MPP7: variants seen among roughly 807,000 people sequenced by gnomAD.
MPP7 encodes the protein MAGUK p55 subfamily member 7.
In MPP7, 60 loss-of-function variants were observed where a neutral mutation model predicts 76.5. That is an observed-to-expected ratio of 0.78 (90% CI 0.64 to 0.97). The LOEUF is 0.97. MPP7 is among the 50% of genes least tolerant of loss of function. MPP7 has a pLI of 0.00. For synonymous variants in MPP7, 237 were observed against 244.5 expected (o/e 0.97, Z 0.29); for missense variants, 641 against 694.0 (o/e 0.92, Z 0.86).
At chr10:28,145,923 C>T (rs1202372068) in intron 5 of MPP7, among the ~76,000 whole-genome samples, 1 of 152,156 alleles carries the variant, frequency 6.6e-6, no homozygotes, top group Non-Finnish European at 1.5e-5. Context: ...AGTTCTCATC[C>T]AGTATAATAT....
chr10:28,053,941 T>C lies in MPP7; in HGVS notation c.*124A>G. ...TAAAAAGATACAAACAAAACCAGCA[T>C]TCAACTTGAACCAAGATTGTACATC... On this transcript the variant is annotated 3_prime_UTR_variant, in exon 17 of 17. Coordinates refer to ENST00000683449, the MANE Select transcript of MPP7 (RefSeq NM_001318170.2). 1 of 753,976 alleles carries C rather than the reference T, an allele frequency of 1.3e-6. No homozygotes were observed. The highest frequency in any genetic ancestry group is 2.2e-6 in the Non-Finnish European group (1 of 446,058). The allele number at this position is 753,976 out of a possible 1,614,324, so 46.7% of individuals were successfully genotyped here.
At position 28,058,604 on chromosome 10, in the gene MPP7, C is replaced by A; in HGVS notation, c.1299-1G>T. 6.6e-7 allele frequency: 1 copy of A among 1,521,626 alleles called. No homozygotes were observed. The allele number at this position is 1,521,626 out of a possible 1,614,324, so 94.3% of individuals were successfully genotyped here. On this transcript the variant is annotated splice_acceptor_variant, in intron 14 of 16. Transcript: ENST00000683449. LOFTEE classifies it high-confidence loss of function. ...TTTATATTCTCCATATTCAATAAAC[C>A]TGTAAAAAATTAAATGCATTGGAAT...
chr10:28,070,106 A>G (rs912079163), intron 12 of MPP7, among the ~76,000 whole-genome samples: 1 of 152,228 alleles, frequency 6.6e-6, no homozygotes, highest in African/African-American at 2.4e-5. Context: ...GATATGTTCT[A>G]GAGTATTTAG....
chr10:28,111,685 G>A (rs1472163251), intron 11 of MPP7, among the ~76,000 whole-genome samples: 3 of 152,120 alleles, frequency 2.0e-5, no homozygotes, highest in Non-Finnish European at 2.9e-5. Context: ...AATGAGTTAT[G>A]CAGAATCATT....
chr10:28,120,196 T>G lies in MPP7; in HGVS notation c.885A>C (p.Glu295Asp), dbSNP rs748926199. Residue 295 changes from glutamate to aspartate, a missense_variant and splice_region_variant, in exon 10 of 17, where the codon GAA becomes GAC. By Grantham distance (45) the Glu-to-Asp change is conservative. Coordinates refer to ENST00000683449, the MANE Select transcript of MPP7 (RefSeq NM_001318170.2). ...ATTATTATGTACCAGCAGCTCACCT[T>G]TCCTGGAAATGCTTTGAGGGGATCA... ...AGLIPSKHFQ[E>D]RRLALRRPEI... The G allele has an allele frequency of 1.9e-6, 3 of 1,612,694 alleles. No individual in the cohort carries two copies. The highest frequency in any genetic ancestry group is 2.2e-5 in the South Asian group (2 of 90,842).
At chr10:28,238,393 G>A (rs1839150577) in intron 2 of MPP7, among the ~76,000 whole-genome samples, 175 bp downstream of exon 2, 1 of 152,176 alleles carries the variant, frequency 6.6e-6, no homozygotes, top group Non-Finnish European at 1.5e-5. Flanking sequence ...ATGAGTCCAT[G>A]TCCTCCAGTA....
intron 1 of MPP7, among the ~76,000 whole-genome samples, chr10:28,275,193 T>A (rs914020319): frequency 6.6e-6 from 1 of 152,166 alleles, no homozygotes; most frequent in African/African-American, 2.4e-5. Flanking sequence ...CTTCACTTAA[T>A]GTGTAGGCAT....
intron 12 of MPP7, among the ~76,000 whole-genome samples, chr10:28,082,876 C>T (rs1391709480): frequency 1.3e-5 from 2 of 152,146 alleles, no homozygotes; most frequent in East Asian, 3.9e-4. Context: ...AGACCACAGG[C>T]ATGCACCACT....
At chr10:28,148,242 C>T (rs964759425) in intron 4 of MPP7, among the ~76,000 whole-genome samples, 9 of 152,100 alleles carry the variant, frequency 5.9e-5, no homozygotes, top group Non-Finnish European at 1.3e-4. Context: ...TTGGGTTCTA[C>T]ATAAAGAAGG....
At chr10:28,100,321 G>A (rs1379011253) in intron 11 of MPP7, among the ~76,000 whole-genome samples, 1 of 152,018 alleles carries the variant, frequency 6.6e-6, no homozygotes, top group African/African-American at 2.4e-5. Context: ...TCTAAATGAT[G>A]CTCTCATTAT....
intron 12 of MPP7, among the ~76,000 whole-genome samples, chr10:28,070,055 C>T (rs898711173): frequency 6.6e-6 from 1 of 152,092 alleles, no homozygotes; most frequent in South Asian, 2.1e-4. Context: ...GAAATCCTCA[C>T]CTTTTCCTCA....
At chr10:28,286,966 C>T (rs1463860348) in intron 1 of MPP7, among the ~76,000 whole-genome samples, 4 of 152,238 alleles carry the variant, frequency 2.6e-5, no homozygotes, top group African/African-American at 9.6e-5. Context: ...GTGCGGCATA[C>T]TGAAGTATGG....
intron 12 of MPP7, among the ~76,000 whole-genome samples, chr10:28,081,624 AAATAT>A (rs1249790688): frequency 6.6e-6 from 1 of 152,228 alleles, no homozygotes; most frequent in African/African-American, 2.4e-5. Flanking sequence ...CTTGATCATT[AAATAT>A]AAGAATAAAA....
intron 1 of MPP7, among the ~76,000 whole-genome samples, chr10:28,267,664 C>A (rs1238241319): frequency 6.6e-6 from 1 of 152,112 alleles, no homozygotes; most frequent in African/African-American, 2.4e-5. Context: ...CTTCTGGTCC[C>A]AAGCATGTCA....
chr10:28,316,266 A>G (rs1356560754), intron 2 of MPP7, among the ~76,000 whole-genome samples: 1 of 151,790 alleles, frequency 6.6e-6, no homozygotes, highest in Non-Finnish European at 1.5e-5. Flanking sequence ...GTGAAACCCC[A>G]TATCTACTAA....
chr10:28,316,172 C>T (rs545976788), intron 2 of MPP7, among the ~76,000 whole-genome samples: 1 of 152,152 alleles, frequency 6.6e-6, no homozygotes. Flanking sequence ...CATGGTGGCT[C>T]ACGCCTGTAA....
intron 2 of MPP7, among the ~76,000 whole-genome samples, chr10:28,225,294 C>T (rs1304136633): frequency 2.6e-5 from 4 of 152,048 alleles, no homozygotes; most frequent in Non-Finnish European, 4.4e-5. Flanking sequence ...TCACCAAAAG[C>T]ATCAACAACA....
intron 2 of MPP7, among the ~76,000 whole-genome samples, chr10:28,203,840 G>C (rs986554727): frequency 4.6e-5 from 7 of 152,116 alleles, no homozygotes; most frequent in African/African-American, 1.4e-4. Flanking sequence ...TTTAATTAAG[G>C]AGACTAATTC....
chr10:28,176,125 G>C (rs907099831), intron 3 of MPP7, among the ~76,000 whole-genome samples: 2 of 152,084 alleles, frequency 1.3e-5, no homozygotes, highest in Non-Finnish European at 2.9e-5. Context: ...GTCACTGTTA[G>C]GAACCAATAC....
Sources: gnomAD v4.1 joint callset for allele counts (sites outside exome capture counted in the v4.1 genomes callset) on GRCh38, gnomAD v4.1.1 for gene constraint, MANE v1.5 for transcripts, NCBI Gene and HGNC (gene_info 2026-07-23, HGNC 2026-07-21) for gene names.